MSI2: variants seen among roughly 807,000 people sequenced by gnomAD.
MSI2 encodes musashi RNA binding protein 2.
In MSI2, 17 loss-of-function variants were observed where a neutral mutation model predicts 45.6. The observed-to-expected ratio is 0.37, with a 90% CI of 0.26 to 0.56. MSI2 has a LOEUF of 0.56. MSI2 is among the 20% of genes least tolerant of loss of function. MSI2 has a pLI of 0.77. For synonymous variants in MSI2, 156 were observed against 158.2 expected (o/e 0.99, Z 0.11); for missense variants, 293 against 444.2 (o/e 0.66, Z 3.06).
At chr17:57,662,129 TTATTAA>T (rs1038840256) in intron 11 of MSI2, among the ~76,000 whole-genome samples, 71 of 152,328 alleles carry the variant, frequency 4.7e-4, no homozygotes, top group African/African-American at 1.4e-3. Flanking sequence ...TCCTGGTTGC[TTATTAA>T]TATTAATTTT....
intron 8 of MSI2, among the ~76,000 whole-genome samples, chr17:57,603,042 C>T (rs1309334640): frequency 6.6e-6 from 1 of 152,204 alleles, no homozygotes; most frequent in African/African-American, 2.4e-5. Context: ...ATGAAGGGAG[C>T]ACGGAGCCAG....
chr17:57,369,065 G>A lies in MSI2; in HGVS notation c.313-32314G>A, dbSNP rs147987241. ...CTCAGAGTCATTTGGTGAGGTTTATGGAAATACTGGTGAAGCTAGTTCCCA... is the reference window on the plus strand; with the variant it reads ...CTCAGAGTCATTTGGTGAGGTTTATAGAAATACTGGTGAAGCTAGTTCCCA... On this transcript the variant is annotated intron_variant, in intron 5 of 13. Coordinates refer to ENST00000284073, the MANE Select transcript of MSI2 (RefSeq NM_138962.4). 1.1e-3 allele frequency among the ~76,000 whole-genome samples: 165 copies of A among 152,272 alleles called. 1 individual carries two copies. Among genetic ancestry groups the A allele is most frequent in the African/African-American group, 3.7e-3 (155 of 41,544 alleles).
In MSI2 at chr17:57,589,474, G is replaced by T. The variant is rs191988832; in HGVS notation, c.455-7394G>T. Among the ~76,000 whole-genome samples, 41 of 152,318 alleles carry T rather than the reference G, an allele frequency of 2.7e-4. No individual in the cohort carries two copies. The East Asian group carries it at 7.1e-3, about 26-fold the overall frequency. Reference sequence around the variant, plus strand: ...GGGCCTCAGACCTTCCAAGTTTAGGGTTGCAGGACAGCTGACTTGCCAAAC... The same window carrying T: ...GGGCCTCAGACCTTCCAAGTTTAGGTTTGCAGGACAGCTGACTTGCCAAAC... On this transcript the variant is annotated intron_variant, in intron 7 of 13. Coordinates refer to ENST00000284073, the MANE Select transcript of MSI2 (RefSeq NM_138962.4).
intron 6 of MSI2, among the ~76,000 whole-genome samples, chr17:57,453,615 A>C (rs554630942): frequency 6.6e-6 from 1 of 152,372 alleles, no homozygotes; most frequent in South Asian, 2.1e-4. Flanking sequence ...GCCTGTGTAC[A>C]GCATATACCT....
chr17:57,555,447 C>A (rs1451912543), intron 7 of MSI2, among the ~76,000 whole-genome samples: 2 of 152,178 alleles, frequency 1.3e-5, no homozygotes, highest in African/African-American at 4.8e-5. Context: ...CTCTCCATTC[C>A]CTGTCCGCTG....
At chr17:57,588,561 GTCT>G (rs1904529628) in intron 7 of MSI2, among the ~76,000 whole-genome samples, 2 of 152,180 alleles carry the variant, frequency 1.3e-5, no homozygotes, top group South Asian at 2.1e-4. Flanking sequence ...CTGTGTGAAG[GTCT>G]TCTTTGCTGT....
intron 5 of MSI2, among the ~76,000 whole-genome samples, chr17:57,271,332 G>T (rs924356837): frequency 2.6e-5 from 4 of 152,128 alleles, no homozygotes; most frequent in Admixed American, 1.3e-4. Flanking sequence ...AAAATAAATA[G>T]GGTTTTGTGT....
intron 6 of MSI2, among the ~76,000 whole-genome samples, chr17:57,509,443 A>G (rs1292268816): frequency 1.3e-5 from 2 of 151,970 alleles, no homozygotes; most frequent in Non-Finnish European, 2.9e-5. Flanking sequence ...TTTTTGAGAC[A>G]GAGTTTCACT....
At chr17:57,698,338 T>G in the MSI2 span, among the ~76,000 whole-genome samples, 1 of 152,208 alleles carries the variant, frequency 6.6e-6, no homozygotes, top group African/African-American at 2.4e-5. Context: ...TTGCCCACTT[T>G]CTGTGCCCGC....
chr17:57,494,871 A>G (rs930399087), intron 6 of MSI2, among the ~76,000 whole-genome samples: 1 of 152,184 alleles, frequency 6.6e-6, no homozygotes, highest in Non-Finnish European at 1.5e-5. Flanking sequence ...AATCCCGGTC[A>G]TGACAGAACT....
chr17:57,274,548 GT>G, intron 5 of MSI2: 1 of 152,242 alleles, frequency 6.6e-6, no homozygotes, highest in Admixed American at 6.5e-5. Flanking sequence ...CCTGTGGCAG[GT>G]TTGGGTAAGT....
At chr17:57,675,165 TC>T (rs755043691) in intron 12 of MSI2, 39 bp downstream of exon 12, 25 of 1,583,558 alleles carry the variant, frequency 1.6e-5, no homozygotes, top group Non-Finnish European at 2.2e-5. Context: ...GCCTCCTCCT[TC>T]CTGACCAGCT....
intron 7 of MSI2, among the ~76,000 whole-genome samples, chr17:57,538,029 G>A (rs1400350072): frequency 6.6e-6 from 1 of 152,194 alleles, no homozygotes; most frequent in Non-Finnish European, 1.5e-5. Flanking sequence ...CACTGACCCA[G>A]AAGTGGTTTT....
chr17:57,284,002 A>G (rs1268426896), intron 5 of MSI2, among the ~76,000 whole-genome samples: 1 of 152,210 alleles, frequency 6.6e-6, no homozygotes, highest in Non-Finnish European at 1.5e-5. Context: ...TGCCAACACA[A>G]ATAGTCAACT....
Position 57,339,085 on chromosome 17 carries a change from G to A in MSI2, c.313-62294G>A, listed in dbSNP as rs557691970. 4.9e-3 allele frequency among the ~76,000 whole-genome samples: 752 copies of A among 152,170 alleles called. 9 individuals are homozygous for A. Among genetic ancestry groups the A allele is most frequent in the South Asian group, 0.041 (196 of 4,808 alleles). On this transcript the variant is annotated intron_variant, in intron 5 of 13. Transcript: ENST00000284073. ...AATCACGGACGTTAAAATAAATGACGCAAATATCTGTATTTTTTGTATCAA... is the reference window on the plus strand; with the variant it reads ...AATCACGGACGTTAAAATAAATGACACAAATATCTGTATTTTTTGTATCAA...
rs1908957590 is a variant in MSI2, at chr17:57,627,865, C to G, written c.727+562C>G. 1 of 154,792 alleles carries G rather than the reference C, an allele frequency of 6.5e-6. No individual in the cohort carries two copies. The highest frequency in any genetic ancestry group is 2.4e-5 in the African/African-American group (1 of 41,462). The allele number at this position is 154,792 out of a possible 1,614,324, so 9.6% of individuals were successfully genotyped here. A position where few individuals can be genotyped will look rare whatever the true frequency, so the allele number is the denominator to read the frequency against. ...GAGCTGTTTAGATTATCCTTTCCCT[C>G]TGCGTGGGTATCAAGACTTGAGGCA... On this transcript the variant is annotated intron_variant, in intron 10 of 13. Coordinates refer to ENST00000284073, the MANE Select transcript of MSI2 (RefSeq NM_138962.4). This position sits in a 1 kb window ranked among gnomAD's most constrained non-coding sequence, Gnocchi z 4.6.
At chr17:57,450,746 C>T (rs1300131800) in intron 6 of MSI2, among the ~76,000 whole-genome samples, 1 of 151,788 alleles carries the variant, frequency 6.6e-6, no homozygotes, top group Non-Finnish European at 1.5e-5. Context: ...CCCCCTCCCC[C>T]CACCTGCTGG....
At chr17:57,688,125 A>C (rs1273290135), downstream of MSI2, among the ~76,000 whole-genome samples, 1 of 152,180 alleles carries the variant, frequency 6.6e-6, no homozygotes, top group Non-Finnish European at 1.5e-5. Context: ...AACCTGTTTC[A>C]ATTAAAATAA....
rs1328222487 is a variant in MSI2 at position 57,616,047 on chromosome 17, C to T, written c.615C>T (p.Tyr205=). 1 of 1,614,184 alleles carries T rather than the reference C, an allele frequency of 6.2e-7. No individual in the cohort carries two copies. Among genetic ancestry groups the T allele is most frequent in the Middle Eastern group, 1.6e-4 (1 of 6,062 alleles). ...GAGGCCGGGCCCGGGGACTGCCTTA[C>T]ACCATGGACGCGTTCATGCTTGGCA... The part of the protein sequence containing the change: ...GTRGRARGLP[Y]TMDAFMLGMG... Residue 205 remains tyrosine, a synonymous_variant, in exon 9 of 14, where the codon TAC becomes TAT. Transcript: ENST00000284073.
Sources: allele counts gnomAD v4.1 joint callset (sites outside exome capture counted in the v4.1 genomes callset), GRCh38; gene constraint gnomAD v4.1.1; non-coding constraint Gnocchi (gnomAD v3.1); transcripts MANE v1.5; gene names NCBI Gene and HGNC (gene_info 2026-07-23, HGNC 2026-07-21).